The following TNS1 variants were observed in gnomAD, a reference collection of about 807,000 sequenced individuals.
TNS1 encodes tensin 1, also known as tensin-1.
TNS1 carries 62 observed loss-of-function variants against 168.6 expected under a neutral mutation model. That is an observed-to-expected ratio of 0.37 (90% CI 0.30 to 0.45). The LOEUF (loss-of-function observed/expected upper bound fraction) is 0.45, where lower values mean the gene tolerates loss of function less well. Among genes scored for constraint, TNS1 ranks in the 20% least tolerant of loss-of-function variants. TNS1 has a pLI of 1.00. For missense variants in TNS1, 2,240 were observed against 2,339.4 expected, an observed-to-expected ratio of 0.96 and a Z score of 0.88; for synonymous variants, 934 against 933.2, an observed-to-expected ratio of 1.00 and a Z score of -0.02.
intron 8 of TNS1, 147 bp downstream of exon 8, chr2:217,897,651 G>C (rs1952460309): frequency 4.8e-6 from 4 of 837,486 alleles, no homozygotes; most frequent in Non-Finnish European, 7.3e-6. Flanking sequence ...TCAGGCACGA[G>C]AGCTGCCTGA....
At chr2:217,890,830 C>A (rs1204795462) in intron 12 of TNS1, 132 bp downstream of exon 12, 13 of 897,714 alleles carry the variant, frequency 1.4e-5, no homozygotes, top group Admixed American at 2.1e-5. Flanking sequence ...TGCAGGCTGG[C>A]ATCTGAAAAC....
intron 18 of TNS1, among the ~76,000 whole-genome samples, chr2:217,862,346 TG>T (rs531542849): frequency 7.2e-4 from 110 of 152,238 alleles, no homozygotes; most frequent in South Asian, 1.2e-3. Context: ...TTCCCAATAG[TG>T]GGTGGGTTAA....
At chr2:217,922,068 A>T (rs796155581) in intron 3 of TNS1, among the ~76,000 whole-genome samples, 10 of 152,280 alleles carry the variant, frequency 6.6e-5, no homozygotes, top group African/African-American at 2.4e-4. Flanking sequence ...CGGGGTCCTT[A>T]ATCCACACCA....
chr2:217,850,171 G>C, intron 18 of TNS1: 1 of 985,334 alleles, frequency 1.0e-6, no homozygotes, highest in Non-Finnish European at 1.2e-6. Flanking sequence ...CTGCAAAGAC[G>C]AGCATCCTGA....
chr2:217,884,143 G>GGATGGATGGATGGATGGA (rs1559296742), intron 16 of TNS1, among the ~76,000 whole-genome samples: 2 of 71,554 alleles, frequency 2.8e-5, no homozygotes, highest in Non-Finnish European at 5.2e-5. Context: ...GGGTGGGTGG[G>GGATGGATGGATGGATGGA]TGGGTGGATG....
chr2:217,970,511 T>C (rs772292268), intron 3 of TNS1, among the ~76,000 whole-genome samples: 1 of 152,066 alleles, frequency 6.6e-6, no homozygotes. Flanking sequence ...GTCCACCAAC[T>C]GATGAATGGA....
chr2:217,926,265 A>T (rs868141313), intron 3 of TNS1, among the ~76,000 whole-genome samples: 11 of 152,314 alleles, frequency 7.2e-5, no homozygotes, highest in Middle Eastern at 3.4e-3. Flanking sequence ...CACCCGGCGT[A>T]TGGTATTTTG....
chr2:217,859,476 A>G (rs1948577872), intron 18 of TNS1: 7 of 633,004 alleles, frequency 1.1e-5, no homozygotes, highest in Non-Finnish European at 2.0e-5. Context: ...TGAACACAGG[A>G]CCTGAATAGA....
intron 3 of TNS1, among the ~76,000 whole-genome samples, chr2:217,959,332 G>C (rs977867953): frequency 1.3e-5 from 2 of 152,146 alleles, no homozygotes; most frequent in South Asian, 2.1e-4. Flanking sequence ...CCTTAGCATG[G>C]AACCTGGTAT....
intron 3 of TNS1, among the ~76,000 whole-genome samples, chr2:217,977,283 A>G (rs1465223592): frequency 2.6e-5 from 4 of 152,178 alleles, no homozygotes; most frequent in Non-Finnish European, 5.9e-5. Flanking sequence ...CTCTCCATCC[A>G]GGGGAGGAAA....
chr2:217,882,797 T>C (rs1473724596), intron 16 of TNS1, among the ~76,000 whole-genome samples: 2 of 151,938 alleles, frequency 1.3e-5, no homozygotes, highest in African/African-American at 4.8e-5. Context: ...CAGCCTGGAG[T>C]GCATATTTAT....
chr2:217,968,820 G>T (rs561489206), intron 3 of TNS1, among the ~76,000 whole-genome samples: 7 of 152,094 alleles, frequency 4.6e-5, no homozygotes, highest in African/African-American at 1.7e-4. Context: ...TCAGCCTCCC[G>T]AGTAGCTGGG....
chr2:217,951,530 C>A (rs2125978999), intron 3 of TNS1, among the ~76,000 whole-genome samples: 1 of 152,292 alleles, frequency 6.6e-6, no homozygotes, highest in African/African-American at 2.4e-5. Context: ...TGCTACTCCT[C>A]TCCTAACTAC....
chr2:218,025,715 C>T (rs1958845158), intron 1 of TNS1, among the ~76,000 whole-genome samples: 1 of 151,816 alleles, frequency 6.6e-6, no homozygotes, highest in African/African-American at 2.4e-5. Flanking sequence ...ATTTAGAGAT[C>T]CCCCAGATTG....
At chr2:217,937,250 A>C (rs1956662025) in intron 3 of TNS1, 1 of 350,768 alleles carries the variant, frequency 2.9e-6, no homozygotes, top group Admixed American at 3.7e-5. Context: ...CAGCACCTTA[A>C]CTGGCATAGG....
intron 1 of TNS1, among the ~76,000 whole-genome samples, chr2:218,031,318 G>A (rs12989315): frequency 0.93 from 130,297 of 139,610 alleles, 60,787 homozygotes; most frequent in East Asian, 0.98. Context: ...TATGAGTGTG[G>A]GTGTGTGAGC....
intron 1 of TNS1, among the ~76,000 whole-genome samples, chr2:218,016,572 G>T (rs538898257): frequency 1.3e-5 from 2 of 152,296 alleles, no homozygotes; most frequent in East Asian, 3.9e-4. Context: ...GCCCCACTCA[G>T]CCCGGGGCCC....
intron 18 of TNS1, among the ~76,000 whole-genome samples, chr2:217,872,399 T>G (rs898384111): frequency 6.6e-6 from 1 of 152,200 alleles, no homozygotes; most frequent in Non-Finnish European, 1.5e-5. Flanking sequence ...AAACAGAGGA[T>G]GTGGATGGGC....
At chr2:217,927,241 T>A (rs921143561) in intron 3 of TNS1, among the ~76,000 whole-genome samples, 9 of 152,188 alleles carry the variant, frequency 5.9e-5, no homozygotes, top group Non-Finnish European at 1.2e-4. Flanking sequence ...GAGGTGGGAA[T>A]GCTTGGCGTG....
Sources: gnomAD v4.1 joint callset for allele counts (sites outside exome capture counted in the v4.1 genomes callset) on GRCh38, gnomAD v4.1.1 for gene constraint, MANE v1.5 for transcripts, NCBI Gene and HGNC (gene_info 2026-07-23, HGNC 2026-07-21) for gene names.